Variants in JAK3 observed in about 807,000 individuals in gnomAD.
JAK3 encodes tyrosine-protein kinase JAK3.
In JAK3, 88 loss-of-function variants were observed where a neutral mutation model predicts 120.8. The ratio of observed to expected loss-of-function variants is 0.73; its 90% CI spans 0.61 to 0.87. JAK3 has a LOEUF of 0.87. Among genes scored for constraint, JAK3 ranks in the 40% least tolerant of loss-of-function variants. The pLI, the probability that JAK3 is intolerant of heterozygous loss-of-function variation, is 0.00. For synonymous variants in JAK3, 592 were observed against 628.6 expected, an observed-to-expected ratio of 0.94 and a Z score of 0.87; for missense variants, 1,254 against 1,501.4, an observed-to-expected ratio of 0.84 and a Z score of 2.72.
chr19:17,844,309 G>C lies in JAK3; in HGVS notation c.109C>G (p.Pro37Ala), dbSNP rs955716335. 2 of 1,608,280 alleles carry C rather than the reference G, an allele frequency of 1.2e-6. No individual in the cohort carries two copies. Among genetic ancestry groups the C allele is most frequent in the African/African-American group, 1.3e-5 (1 of 74,962 alleles). ...HVLLPARGPGPPQRLSFSFGD... is the reference protein window; with the variant it reads ...HVLLPARGPGAPQRLSFSFGD... ...AAGGAGAAAGATAGGCGCTGGGGGG[G>C]CCCGGGGCCCCGAGCGGGCAGCAGC... Residue 37 changes from proline (P) to alanine (A), a missense_variant, in exon 2 of 24, where the codon CCC (proline) becomes GCC (alanine). This residue lies in a region of JAK3 where 138 missense variants were observed against 178.7 expected (regional missense o/e 0.77). Transcript: ENST00000458235.
intron 1 of JAK3, 73 bp downstream of exon 1, chr19:17,847,871 CAG>C: frequency 1.4e-6 from 1 of 723,540 alleles, no homozygotes; most frequent in Non-Finnish European, 1.7e-6. Context: ...CACCCTGCCC[CAG>C]CCCAGCCATC....
chr19:17,836,444 G>A (rs1286066683), intron 13 of JAK3, among the ~76,000 whole-genome samples: 3 of 152,048 alleles, frequency 2.0e-5, no homozygotes, highest in Non-Finnish European at 1.5e-5. Context: ...CACCACACCC[G>A]GCTGATTTTG....
Position 17,833,566 on chromosome 19 carries a change from A to G in JAK3, c.2351-637T>C, listed in dbSNP as rs764793612. The stretch of plus-strand genomic sequence containing the variant: ...AGAAAAAAAAAAAAAAAAAAAAAAA[A>G]TCCAGCCTGGTGTGGTGGCTCATGC... On this transcript the variant is annotated intron_variant, in intron 17 of 23. Coordinates refer to ENST00000458235, the MANE Select transcript of JAK3 (RefSeq NM_000215.4). 4.2e-3 allele frequency among the ~76,000 whole-genome samples: 603 copies of G among 144,030 alleles called. 2 individuals are homozygous for G. Among genetic ancestry groups the G allele is most frequent in the Non-Finnish European group, 7.2e-3 (473 of 66,114 alleles). 94.5% of individuals were successfully genotyped at this position (144,030 alleles called of 152,430 possible).
chr19:17,840,501 C>A (rs535583385), intron 8 of JAK3, among the ~76,000 whole-genome samples, 160 bp from the exon 9 acceptor site: 314 of 152,228 alleles, frequency 2.1e-3, no homozygotes, highest in African/African-American at 7.3e-3. Flanking sequence ...CCGTGGCTCA[C>A]GCCTGTAATC....
At position 17,843,320 on chromosome 19, in the gene JAK3, G is replaced by T; in HGVS notation, c.420+60C>A. 2.0e-6 allele frequency: 3 copies of T among 1,515,644 alleles called. No individual in the cohort carries two copies. The highest frequency in any genetic ancestry group is 2.4e-5 in the South Asian group (2 of 83,750). The allele number at this position is 1,515,644 out of a possible 1,614,324, so 93.9% of individuals were successfully genotyped here. ...CGAGGCCCCACCTGATTGCATGCCA[G>T]TCCTCATGTTGCCCCTTGGACCCCC... On this transcript the variant is annotated intron_variant, in intron 4 of 23. Transcript: ENST00000458235. This position sits in a 1 kb window ranked among gnomAD's most constrained non-coding sequence, Gnocchi z 5.4.
Position 17,842,890 on chromosome 19 carries a change from C to T in JAK3, c.566+137G>A, listed in dbSNP as rs1188408289. 1.6e-6 allele frequency: 2 copies of T among 1,220,424 alleles called. No homozygotes were observed. Among genetic ancestry groups the T allele is most frequent in the East Asian group, 2.5e-5 (1 of 40,232 alleles). The allele number at this position is 1,220,424 out of a possible 1,614,324, so 75.6% of individuals were successfully genotyped here. On this transcript the variant is annotated intron_variant, in intron 5 of 23. Transcript: ENST00000458235. This position sits in a 1 kb window ranked among gnomAD's most constrained non-coding sequence, Gnocchi z 6.4. ...GCCTGGGGGTGGAGAGGGCTGGGTTCGTGGGAGGCCCTGGGTCATAGGAAC... is the reference window on the plus strand; with the variant it reads ...GCCTGGGGGTGGAGAGGGCTGGGTTTGTGGGAGGCCCTGGGTCATAGGAAC...
chr19:17,842,181 C>T lies in JAK3; in HGVS notation c.861+135G>A. On this transcript the variant is annotated intron_variant, in intron 6 of 23. Transcript: ENST00000458235. This position sits in a 1 kb window ranked among gnomAD's most constrained non-coding sequence, Gnocchi z 6.4. ...CCGCAGTCTCCTCCCTCACTAAGCC[C>T]CGCCCCTCATTAAGCCTCGCCCACT... 1.0e-6 allele frequency: 1 copy of T among 995,514 alleles called. No individual in the cohort carries two copies. Among genetic ancestry groups the T allele is most frequent in the Non-Finnish European group, 1.4e-6 (1 of 698,634 alleles). The allele number at this position is 995,514 out of a possible 1,614,324, so 61.7% of individuals were successfully genotyped here. A position where few individuals can be genotyped will look rare whatever the true frequency, so the allele number is the denominator to read the frequency against.
At chr19:17,837,601 G>A (rs2094227385) in intron 12 of JAK3, among the ~76,000 whole-genome samples, 1 of 151,484 alleles carries the variant, frequency 6.6e-6, no homozygotes, top group Non-Finnish European at 1.5e-5. Flanking sequence ...TTTTAGTAGA[G>A]ACGGGGTTTC....
intron 23 of JAK3, chr19:17,829,813 C>G: frequency 1.9e-6 from 1 of 519,620 alleles, no homozygotes; most frequent in Non-Finnish European, 3.4e-6. Flanking sequence ...TATGGAGCAT[C>G]GACTGTGTGC....
intron 17 of JAK3, among the ~76,000 whole-genome samples, 168 bp from the exon 18 acceptor site, chr19:17,833,097 C>T (rs2094217465): frequency 6.6e-6 from 1 of 152,246 alleles, no homozygotes; most frequent in Non-Finnish European, 1.5e-5. Context: ...AGGTGTCTCC[C>T]ACTCTGTCCC....
At chr19:17,827,717 T>TAAAAAAAAAAAAAAAA (rs760856974) in intron 23 of JAK3, among the ~76,000 whole-genome samples, 2 of 77,680 alleles carry the variant, frequency 2.6e-5, no homozygotes, top group African/African-American at 6.0e-5. Context: ...CCATCTTAAC[T>TAAAAAAAAAAAAAAAA]AAAAAAAAAA....
In JAK3 at chr19:17,831,538, GAGCCCTA is replaced by G. The variant is rs2094214506; in HGVS notation, c.2805+129_2805+135del. ...CATCCTCCACTGAAGTTCTGATCCT[GAGCCCTA>G]AGCCAACCCCACCACTCCCGAGACC... On this transcript the variant is annotated intron_variant, in intron 20 of 23. Coordinates refer to ENST00000458235, the MANE Select transcript of JAK3 (RefSeq NM_000215.4). The surrounding 1 kb of genome is among the most constrained non-coding windows in gnomAD (Gnocchi z 5.1). 3 of 1,501,630 alleles carry G rather than the reference GAGCCCTA, an allele frequency of 2.0e-6. No individual in the cohort carries two copies. The East Asian group carries it at 7.2e-5, about 36-fold the overall frequency. 93.0% of individuals were successfully genotyped at this position (1,501,630 alleles called of 1,614,324 possible).
Position 17,843,918 on chromosome 19 carries a change from A to G in JAK3, c.185-18T>C, listed in dbSNP as rs1256638723. ...CAGGATGCCTACAGGGGATGGTCCC[A>G]TCAGCTCCCTCCTGAGTCACCCCAT... On this transcript the variant is annotated intron_variant, in intron 2 of 23. Coordinates refer to ENST00000458235, the MANE Select transcript of JAK3 (RefSeq NM_000215.4). The surrounding 1 kb of genome is among the most constrained non-coding windows in gnomAD (Gnocchi z 5.4). 1 of 1,613,226 alleles carries G rather than the reference A, an allele frequency of 6.2e-7. No homozygotes were observed. Among genetic ancestry groups the G allele is most frequent in the African/African-American group, 1.3e-5 (1 of 74,892 alleles).
In JAK3 at chr19:17,834,661, G is replaced by A. The variant is rs923091613; in HGVS notation, c.2260C>T (p.Leu754=). The A allele has an allele frequency of 3.1e-6, 5 of 1,614,086 alleles. No individual in the cohort carries two copies. The highest frequency in any genetic ancestry group is 1.3e-5 in the African/African-American group (1 of 75,018). The change falls in exon 17 of 24, where the codon CTG becomes TTG. Residue 754 remains leucine (L), a synonymous_variant. Transcript: ENST00000458235. Reference sequence around the variant, plus strand: ...TAGGCCATGCACTGTTGAATCAGCAGGGCCAGCTCTGTCCACTTGGGGGCC... The same window carrying A: ...TAGGCCATGCACTGTTGAATCAGCAAGGCCAGCTCTGTCCACTTGGGGGCC... ...LPAPKWTELA[L]LIQQCMAYEP...
Position 17,831,831 on chromosome 19 carries a change from C to T in JAK3, c.2681-33G>A. The T allele has an allele frequency of 6.2e-7, 1 of 1,608,726 alleles. No homozygotes were observed. The highest frequency in any genetic ancestry group is 8.5e-7 in the Non-Finnish European group (1 of 1,177,226). ...AGGCAGGATCTGTCACAGCAGGGCC[C>T]AGCCCTGCTCGTCCCCCCATTCTTC... On this transcript the variant is annotated intron_variant, in intron 19 of 23. Coordinates refer to ENST00000458235, the MANE Select transcript of JAK3 (RefSeq NM_000215.4). The surrounding 1 kb of genome is among the most constrained non-coding windows in gnomAD (Gnocchi z 5.1).
chr19:17,828,119 C>G (rs946393950), intron 23 of JAK3, among the ~76,000 whole-genome samples: 2 of 152,142 alleles, frequency 1.3e-5, no homozygotes, highest in African/African-American at 4.8e-5. Flanking sequence ...GTAGGCTCCT[C>G]CTCCTTCCAG....
At position 17,841,686 on chromosome 19, in the gene JAK3, C is replaced by G. The variant is rs200319694; in HGVS notation, c.938G>C (p.Gly313Ala). ...IKQAPRVGPA[G>A]EHRLVTVTRT... ...GGTAACAGTGACCAGGCGGTGCTCT[C>G]CGGCCGGGCCAACGCGCGGGGCCTG... is the stretch of plus-strand genomic sequence containing the variant. Residue 313 changes from glycine to alanine, a missense_variant, in exon 7 of 24, where the codon GGA becomes GCA. Physicochemically the swap from Gly to Ala is moderately conservative, Grantham distance 60. Coordinates refer to ENST00000458235, the MANE Select transcript of JAK3 (RefSeq NM_000215.4). The surrounding 1 kb of genome is among the most constrained non-coding windows in gnomAD (Gnocchi z 4.1). 1 of 1,613,882 alleles carries G rather than the reference C, an allele frequency of 6.2e-7. No individual in the cohort carries two copies. The highest frequency in any genetic ancestry group is 1.7e-5 in the Admixed American group (1 of 60,016).
chr19:17,836,375 CG>C, intron 13 of JAK3, among the ~76,000 whole-genome samples: 1 of 152,156 alleles, frequency 6.6e-6, no homozygotes, highest in South Asian at 2.1e-4. Flanking sequence ...CTCTGCCTCC[CG>C]GGTTCAAGTG....
In JAK3 at chr19:17,825,580, G is replaced by A. The variant is rs141814762; in HGVS notation, c.*1163C>T. 1.3e-4 allele frequency: 24 copies of A among 191,460 alleles called. No individual in the cohort carries two copies. In the East Asian group the frequency reaches 1.4e-3, roughly 11 times the overall value. The allele number at this position is 191,460 out of a possible 1,614,324, so 11.9% of individuals were successfully genotyped here. The stretch of plus-strand genomic sequence containing the variant: ...GGCTTCCTCCAGAGAAACAGAGATC[G>A]GGGAGCAGAAGTCAGATCATACATT... On this transcript the variant is annotated 3_prime_UTR_variant, in exon 24 of 24. Coordinates refer to ENST00000458235, the MANE Select transcript of JAK3 (RefSeq NM_000215.4).
Sources: allele counts gnomAD v4.1 joint callset (sites outside exome capture counted in the v4.1 genomes callset), GRCh38; gene constraint gnomAD v4.1.1; regional missense constraint gnomAD v4.1.1; non-coding constraint Gnocchi (gnomAD v3.1); transcripts MANE v1.5; gene names NCBI Gene and HGNC (gene_info 2026-07-23, HGNC 2026-07-21).